Variants in TNKS2 observed in about 807,000 individuals in gnomAD.
TNKS2 encodes the protein tankyrase 2, also known as poly [ADP-ribose] polymerase tankyrase-2.
Under a neutral mutation model 137.6 loss-of-function variants are expected in TNKS2, and 72 were observed. The observed-to-expected ratio is 0.52, with a 90% CI of 0.43 to 0.64. TNKS2 has a LOEUF of 0.64. Among genes scored for constraint, TNKS2 ranks in the 30% least tolerant of loss-of-function variants. The pLI is 0.00. For synonymous variants in TNKS2, 516 were observed against 512.1 expected, an observed-to-expected ratio of 1.01 and a Z score of -0.10; for missense variants, 1,049 against 1,410.2, an observed-to-expected ratio of 0.74 and a Z score of 4.10.
intron 1 of TNKS2, among the ~76,000 whole-genome samples, chr10:91,810,629 A>G (rs1243656076): frequency 6.6e-6 from 1 of 150,432 alleles, no homozygotes; most frequent in Non-Finnish European, 1.5e-5. Context: ...CAACCACCCA[A>G]GTAGCTGGGA....
chr10:91,812,957 C>T (rs779691647), intron 1 of TNKS2, 26 bp from the exon 2 acceptor site: 4 of 1,610,434 alleles, frequency 2.5e-6, no homozygotes, highest in South Asian at 1.1e-5. Flanking sequence ...GTTGAACTTA[C>T]GTGTGGACAA....
intron 9 of TNKS2, among the ~76,000 whole-genome samples, chr10:91,829,956 A>G (rs1189324385): frequency 6.6e-6 from 1 of 152,212 alleles, no homozygotes; most frequent in Non-Finnish European, 1.5e-5. Flanking sequence ...TTGAACACCT[A>G]TTGTGCAGAT....
chr10:91,820,511 T>C (rs1160114982), intron 6 of TNKS2, among the ~76,000 whole-genome samples: 1 of 152,192 alleles, frequency 6.6e-6, no homozygotes, highest in East Asian at 1.9e-4. Flanking sequence ...AAACAGTGAC[T>C]AGACTAGCTT....
intron 12 of TNKS2, 176 bp from the exon 13 acceptor site, chr10:91,836,743 A>G (rs1192727886): frequency 3.0e-6 from 3 of 985,320 alleles, no homozygotes; most frequent in Non-Finnish European, 3.6e-6. Flanking sequence ...AAAGAGTTTT[A>G]AGAGAATCTT....
chr10:91,859,136 A>G (rs1222536502), intron 24 of TNKS2, among the ~76,000 whole-genome samples: 2 of 149,676 alleles, frequency 1.3e-5, no homozygotes, highest in Non-Finnish European at 1.5e-5. Context: ...AAAGTGAATT[A>G]TGAGCCTCTT....
rs1268720239 is a variant in TNKS2, at chr10:91,798,882, C to G, written c.192C>G (p.Phe64Leu). ...TAGRKSTPLH[F>L]AAGFGRKDVV... ...GCAGGAAATCCACCCCGCTGCACTT[C>G]GCCGCAGGTAACCGGGGCCAGCGTC... The change falls in exon 1 of 27, where the codon TTC (phenylalanine) becomes TTG (leucine). Residue 64 changes from phenylalanine (F) to leucine (L), a missense_variant. This residue lies in a region of TNKS2 where 374 missense variants were observed against 460.8 expected (regional missense o/e 0.81). Coordinates refer to ENST00000371627, the MANE Select transcript of TNKS2 (RefSeq NM_025235.4). 1 of 1,375,220 alleles carries G rather than the reference C, an allele frequency of 7.3e-7. No individual in the cohort carries two copies. Among genetic ancestry groups the G allele is most frequent in the Non-Finnish European group, 9.5e-7 (1 of 1,055,822 alleles). 85.2% of individuals were successfully genotyped at this position (1,375,220 alleles called of 1,614,324 possible).
chr10:91,845,670 A>T, intron 17 of TNKS2, 82 bp from the exon 18 acceptor site: 2 of 1,111,954 alleles, frequency 1.8e-6, no homozygotes, highest in Non-Finnish European at 2.4e-6. Flanking sequence ...ATGTGGAAGT[A>T]GGTACGTAAC....
intron 9 of TNKS2, among the ~76,000 whole-genome samples, chr10:91,829,907 A>G (rs1005637269): frequency 6.6e-6 from 1 of 152,240 alleles, no homozygotes; most frequent in Non-Finnish European, 1.5e-5. Flanking sequence ...TTAATTTAAC[A>G]TATATACATT....
chr10:91,855,172 T>C, intron 22 of TNKS2, 46 bp downstream of exon 22: 1 of 1,160,892 alleles, frequency 8.6e-7, no homozygotes, highest in Non-Finnish European at 1.3e-6. Context: ...ATATATTTAG[T>C]TCACTTTGTA....
intron 25 of TNKS2, among the ~76,000 whole-genome samples, chr10:91,859,962 C>A (rs1842810368): frequency 6.6e-6 from 1 of 152,070 alleles, no homozygotes; most frequent in South Asian, 2.1e-4. Flanking sequence ...TATTGTAGGA[C>A]TCTGTGGACT....
intron 18 of TNKS2, among the ~76,000 whole-genome samples, chr10:91,847,819 T>TACA (rs1379199979): frequency 6.6e-6 from 1 of 152,260 alleles, no homozygotes; most frequent in Non-Finnish European, 1.5e-5. Context: ...TCAGAGTAAC[T>TACA]ACAATAGGAC....
chr10:91,831,828 T>A (rs1845260581), intron 11 of TNKS2, among the ~76,000 whole-genome samples: 2 of 152,166 alleles, frequency 1.3e-5, no homozygotes, highest in Non-Finnish European at 1.5e-5. Context: ...GTCACCTAAT[T>A]CAGCAGTTTT....
chr10:91,817,901 T>G (rs1844763719), intron 3 of TNKS2, among the ~76,000 whole-genome samples: 1 of 152,226 alleles, frequency 6.6e-6, no homozygotes, highest in African/African-American at 2.4e-5. Context: ...GCCATGTTGT[T>G]TACCAGATTC....
At chr10:91,831,803 G>A (rs1845259285) in intron 11 of TNKS2, among the ~76,000 whole-genome samples, 2 of 152,116 alleles carry the variant, frequency 1.3e-5, no homozygotes, top group Non-Finnish European at 1.5e-5. Flanking sequence ...TCTCAGATTG[G>A]AAGAGATGAC....
chr10:91,826,552 A>G (rs927174125), intron 7 of TNKS2, among the ~76,000 whole-genome samples: 2 of 152,228 alleles, frequency 1.3e-5, no homozygotes, highest in African/African-American at 4.8e-5. Flanking sequence ...AAATTGAAGA[A>G]CAGATATATC....
intron 1 of TNKS2, among the ~76,000 whole-genome samples, chr10:91,801,683 A>T (rs1257420932): frequency 6.6e-6 from 1 of 152,090 alleles, no homozygotes; most frequent in East Asian, 1.9e-4. Context: ...CATGTTGGTC[A>T]GGCTGGTCTC....
intron 7 of TNKS2, among the ~76,000 whole-genome samples, chr10:91,823,010 A>G (rs534211185): frequency 1.3e-5 from 2 of 150,756 alleles, no homozygotes; most frequent in East Asian, 4.0e-4. Context: ...CCAAGATTGC[A>G]CCACTGCACT....
intron 18 of TNKS2, 151 bp downstream of exon 18, chr10:91,846,091 A>G (rs1374655475): frequency 2.1e-6 from 1 of 473,072 alleles, no homozygotes; most frequent in Non-Finnish European, 3.6e-6. Flanking sequence ...GTATTAAAAT[A>G]TAATAGAATT....
At chr10:91,839,036 T>A (rs1377194730) in intron 13 of TNKS2, among the ~76,000 whole-genome samples, 1 of 151,950 alleles carries the variant, frequency 6.6e-6, no homozygotes, top group Non-Finnish European at 1.5e-5. Context: ...CCCAGATAAT[T>A]TTTTGTATTT....
Sources: gnomAD v4.1 joint callset for allele counts (sites outside exome capture counted in the v4.1 genomes callset) on GRCh38, gnomAD v4.1.1 for gene constraint, gnomAD v4.1.1 regional missense constraint, MANE v1.5 for transcripts, NCBI Gene and HGNC (gene_info 2026-07-23, HGNC 2026-07-21) for gene names.